Variants in CNBD1 observed in about 807,000 individuals in gnomAD.
CNBD1 encodes the protein cyclic nucleotide-binding domain-containing protein 1.
A neutral mutation model predicts 54.4 loss-of-function variants in CNBD1; 71 were observed. That is an observed-to-expected ratio of 1.30 (90% CI 1.08 to 1.59). CNBD1 has a LOEUF of 1.59. Among genes scored for constraint, CNBD1 ranks in the 40% most tolerant of loss-of-function variants. The probability of loss-of-function intolerance (pLI) is 0.00; values close to 1 mark genes in which losing one functional copy is unlikely to be tolerated. For missense variants in CNBD1, 659 were observed against 518.0 expected, an observed-to-expected ratio of 1.27 and a Z score of -2.64; for synonymous variants, 182 against 170.7, an observed-to-expected ratio of 1.07 and a Z score of -0.51.
At chr8:87,092,558 C>T (rs1811238809) in intron 4 of CNBD1, among the ~76,000 whole-genome samples, 2 of 45,048 alleles carry the variant, frequency 4.4e-5, no homozygotes, top group Non-Finnish European at 8.1e-5. Flanking sequence ...TATATATATA[C>T]ACATATGTGT....
intron 2 of CNBD1, among the ~76,000 whole-genome samples, chr8:86,904,082 T>C (rs16894857): frequency 0.31 from 47,469 of 151,734 alleles, 7,575 homozygotes; most frequent in East Asian, 0.42. Context: ...CAATATGGTG[T>C]TTTAGGAACA....
intron 4 of CNBD1, among the ~76,000 whole-genome samples, chr8:87,068,237 T>G (rs931953586): frequency 3.9e-5 from 6 of 152,064 alleles, no homozygotes; most frequent in African/African-American, 1.4e-4. Context: ...TTTAGTTAAT[T>G]TACAAACCAC....
intron 8 of CNBD1, among the ~76,000 whole-genome samples, chr8:87,323,664 C>G (rs1216757995): frequency 7.4e-6 from 1 of 135,682 alleles, no homozygotes. Flanking sequence ...TATCCTGAGA[C>G]TTTGCTGAAG....
At chr8:87,351,601 T>C (rs1810295479) in intron 8 of CNBD1, 84 bp from the exon 9 acceptor site, 1 of 1,242,130 alleles carries the variant, frequency 8.1e-7, no homozygotes, top group Admixed American at 3.8e-5. Context: ...TTGAATTAAA[T>C]ACATTAACTT....
At chr8:87,247,792 C>T (rs770323478) in intron 6 of CNBD1, among the ~76,000 whole-genome samples, 11 of 152,236 alleles carry the variant, frequency 7.2e-5, no homozygotes, top group East Asian at 3.9e-4. Context: ...GCATTTAATG[C>T]GGTTGATACT....
chr8:87,240,267 TA>T, intron 6 of CNBD1, among the ~76,000 whole-genome samples: 1 of 152,306 alleles, frequency 6.6e-6, no homozygotes, highest in Non-Finnish European at 1.5e-5. Flanking sequence ...CAATAATTAT[TA>T]AAAGAACTTT....
intron 4 of CNBD1, among the ~76,000 whole-genome samples, chr8:87,169,021 G>C (rs1813029396): frequency 6.6e-6 from 1 of 151,996 alleles, no homozygotes; most frequent in African/African-American, 2.4e-5. Flanking sequence ...TCTCCATAGT[G>C]GTTGTACTAC....
intron 4 of CNBD1, among the ~76,000 whole-genome samples, chr8:86,960,091 T>C (rs1807888236): frequency 6.6e-6 from 1 of 152,124 alleles, no homozygotes; most frequent in Non-Finnish European, 1.5e-5. Context: ...GATGGGTGAT[T>C]TGTGCATTTC....
intron 2 of CNBD1, among the ~76,000 whole-genome samples, chr8:87,403,285 A>C (rs1475914123): frequency 6.6e-6 from 1 of 152,024 alleles, no homozygotes; most frequent in Non-Finnish European, 1.5e-5. Context: ...AGTTAGTTTC[A>C]TCTATTTTGG....
chr8:87,342,615 G>T (rs921738878), intron 8 of CNBD1, among the ~76,000 whole-genome samples: 1 of 152,112 alleles, frequency 6.6e-6, no homozygotes, highest in Non-Finnish European at 1.5e-5. Flanking sequence ...AAGAGAAAGG[G>T]TATAAAGAGA....
intron 4 of CNBD1, among the ~76,000 whole-genome samples, chr8:87,081,224 ATAT>A (rs1172584342): frequency 2.0e-5 from 3 of 151,902 alleles, no homozygotes; most frequent in African/African-American, 4.8e-5. Context: ...TTTTTCCATA[ATAT>A]TTTCTAATCT....
chr8:87,045,172 G>T (rs957872390), intron 4 of CNBD1, among the ~76,000 whole-genome samples: 5 of 152,246 alleles, frequency 3.3e-5, no homozygotes, highest in Admixed American at 3.3e-4. Context: ...TCCATTTGCA[G>T]CACTACTTGG....
chr8:87,075,198 C>T (rs1022327169), intron 4 of CNBD1, among the ~76,000 whole-genome samples: 2 of 152,060 alleles, frequency 1.3e-5, no homozygotes, highest in African/African-American at 2.4e-5. Flanking sequence ...TTTGTATATC[C>T]TCAATTACTA....
At chr8:86,890,921 ACT>A (rs1176467642) in intron 2 of CNBD1, among the ~76,000 whole-genome samples, 4 of 149,566 alleles carry the variant, frequency 2.7e-5, no homozygotes, top group South Asian at 4.2e-4. Flanking sequence ...GTGTTCAAAA[ACT>A]CTGTCCATTT....
intron 2 of CNBD1, among the ~76,000 whole-genome samples, chr8:86,903,459 A>G (rs1808969333): frequency 6.6e-6 from 1 of 152,148 alleles, no homozygotes; most frequent in Non-Finnish European, 1.5e-5. Flanking sequence ...TTTCAGGAAC[A>G]AAATGGGTAG....
At chr8:87,099,446 T>C (rs189530377) in intron 4 of CNBD1, among the ~76,000 whole-genome samples, 12 of 152,220 alleles carry the variant, frequency 7.9e-5, no homozygotes, top group Admixed American at 7.2e-4. Context: ...GGAACAATAG[T>C]AGGGTGGCAA....
chr8:86,976,459 T>G (rs1808345024), intron 4 of CNBD1, among the ~76,000 whole-genome samples: 1 of 151,958 alleles, frequency 6.6e-6, no homozygotes, highest in Admixed American at 6.6e-5. Flanking sequence ...ATATCCAGTT[T>G]TCTAAACACC....
intron 4 of CNBD1, among the ~76,000 whole-genome samples, chr8:87,075,586 T>C (rs1244924827): frequency 1.3e-5 from 2 of 152,172 alleles, no homozygotes; most frequent in African/African-American, 4.8e-5. Context: ...TTCCCTACTA[T>C]ATAAACTCCT....
At chr8:87,264,091 C>T (rs1808197960) in intron 6 of CNBD1, among the ~76,000 whole-genome samples, 1 of 152,072 alleles carries the variant, frequency 6.6e-6, no homozygotes, top group Non-Finnish European at 1.5e-5. Context: ...TGGTGTGCTG[C>T]ACCCATTAAC....
Sources: gnomAD v4.1 joint callset for allele counts (sites outside exome capture counted in the v4.1 genomes callset) on GRCh38, gnomAD v4.1.1 for gene constraint, MANE v1.5 for transcripts, NCBI Gene and HGNC (gene_info 2026-07-23, HGNC 2026-07-21) for gene names.